Variants in PTP4A1 observed in about 807,000 individuals in gnomAD.
PTP4A1 encodes the protein protein tyrosine phosphatase type IVA 1.
Under a neutral mutation model 20.5 loss-of-function variants are expected in PTP4A1, and 9 were observed. The observed-to-expected ratio is 0.44, with a 90% CI of 0.26 to 0.77. PTP4A1 has a LOEUF of 0.77. PTP4A1 is among the 30% of genes least tolerant of loss of function. The probability of loss-of-function intolerance (pLI) is 0.19; values close to 1 mark genes in which losing one functional copy is unlikely to be tolerated. For missense variants in PTP4A1, 137 were observed against 218.8 expected (o/e 0.63, Z 2.36); for synonymous variants, 78 against 67.4 (o/e 1.16, Z -0.77).
chr6:63,549,973 A>T (rs1277412989), intron 2 of PTP4A1, among the ~76,000 whole-genome samples: 1 of 152,226 alleles, frequency 6.6e-6, no homozygotes, highest in Non-Finnish European at 1.5e-5. Flanking sequence ...TTCACAACAT[A>T]AAGAAGTGAT....
At chr6:63,529,971 A>G (rs1207017158) in intron 2 of PTP4A1, among the ~76,000 whole-genome samples, 1 of 152,152 alleles carries the variant, frequency 6.6e-6, no homozygotes, top group Non-Finnish European at 1.5e-5. Flanking sequence ...TCTTTTCACC[A>G]TTATTTAGGT....
rs1777877709 is a variant in PTP4A1, at chr6:63,576,547, T to C, written c.-334T>C. ...AGACAAGTGAACTGTAGAAACTGAT[T>C]ACTGCTCCACCAAGAAGCCCCCATA... is the stretch of plus-strand genomic sequence containing the variant. On this transcript the variant is annotated 5_prime_UTR_variant, in exon 2 of 6. Coordinates refer to ENST00000626021, the MANE Select transcript of PTP4A1 (RefSeq NM_003463.5). 2.3e-6 allele frequency: 1 copy of C among 443,494 alleles called. No homozygotes were observed. The highest frequency in any genetic ancestry group is 4.0e-6 in the Non-Finnish European group (1 of 252,762). 27.5% of individuals were successfully genotyped at this position (443,494 alleles called of 1,614,324 possible).
chr6:63,556,933 C>T (rs927307550), intron 3 of PTP4A1, among the ~76,000 whole-genome samples: 5 of 152,188 alleles, frequency 3.3e-5, no homozygotes, highest in Non-Finnish European at 7.3e-5. Flanking sequence ...TCATTGTCTG[C>T]TGCCAGATCC....
At chr6:63,571,766 A>G (rs1777438982), upstream of PTP4A1, 1 of 152,234 alleles carries the variant, frequency 6.6e-6, no homozygotes, top group Admixed American at 6.5e-5. Context: ...GATCAAAAAA[A>G]GAATATAGGG....
chr6:63,563,662 C>T (rs1777061461), intron 3 of PTP4A1, among the ~76,000 whole-genome samples: 1 of 152,142 alleles, frequency 6.6e-6, no homozygotes, highest in African/African-American at 2.4e-5. Context: ...CATAAGATAG[C>T]AGAGTGCCTG....
At chr6:63,525,420 C>A (rs145786156) in intron 1 of PTP4A1, among the ~76,000 whole-genome samples, 43 of 152,308 alleles carry the variant, frequency 2.8e-4, no homozygotes, top group African/African-American at 9.9e-4. Context: ...CGTTTGCTTG[C>A]TATTCTTGTC....
At chr6:63,558,582 T>C (rs1776789947) in intron 3 of PTP4A1, among the ~76,000 whole-genome samples, 1 of 152,160 alleles carries the variant, frequency 6.6e-6, no homozygotes, top group South Asian at 2.1e-4. Context: ...CTAAACCATG[T>C]TGAATATGAG....
chr6:63,562,599 GAGTA>G (rs1199912754), intron 3 of PTP4A1, among the ~76,000 whole-genome samples: 1 of 152,202 alleles, frequency 6.6e-6, no homozygotes, highest in Non-Finnish European at 1.5e-5. Context: ...CTCAGAGTCT[GAGTA>G]TTCTAATAAA....
intron 2 of PTP4A1, among the ~76,000 whole-genome samples, chr6:63,578,044 G>T (rs78046246): frequency 0.015 from 2,324 of 151,968 alleles, 66 homozygotes; most frequent in African/African-American, 0.053. Flanking sequence ...CAGATTACCC[G>T]ATTAGTTATA....
intron 1 of PTP4A1, among the ~76,000 whole-genome samples, chr6:63,522,767 A>G (rs1376143312): frequency 6.6e-6 from 1 of 152,096 alleles, no homozygotes; most frequent in Admixed American, 6.6e-5. Flanking sequence ...GTTTTCTACC[A>G]TGGAAGATTC....
In PTP4A1 at chr6:63,562,752, T is replaced by A. The variant is rs887431845; in HGVS notation, c.-446+12259T>A. ...TCTTAATACCTAAATATACAACTTT[T>A]AGGAGTCCCGCTGCTATATTCTCAA... On this transcript the variant is annotated intron_variant, in intron 3 of 3. Coordinates refer to the PTP4A1 transcript ENST00000639568. Among the ~76,000 whole-genome samples, 11 of 152,362 alleles carry A rather than the reference T, an allele frequency of 7.2e-5. 1 individual carries two copies. Among genetic ancestry groups the A allele is most frequent in the Admixed American group, 5.9e-4 (9 of 15,304 alleles).
At chr6:63,558,634 C>A (rs1776792897) in intron 3 of PTP4A1, among the ~76,000 whole-genome samples, 1 of 152,124 alleles carries the variant, frequency 6.6e-6, no homozygotes, top group African/African-American at 2.4e-5. Context: ...ACATCCAGAG[C>A]TCAGAAGAGA....
rs1778293799 is a variant in PTP4A1 at position 63,582,401 on chromosome 6, A to G, written c.*2227A>G. On this transcript the variant is annotated 3_prime_UTR_variant, in exon 6 of 6. Coordinates refer to ENST00000626021, the MANE Select transcript of PTP4A1 (RefSeq NM_003463.5). ...TTGGATTGTATATATGGTGCTAAAA[A>G]TAAATTAATTTACTTTATAAACCTT... 1 of 152,642 alleles carries G rather than the reference A, an allele frequency of 6.6e-6. No homozygotes were observed. The highest frequency in any genetic ancestry group is 1.5e-5 in the Non-Finnish European group (1 of 68,034). 9.5% of individuals were successfully genotyped at this position (152,642 alleles called of 1,614,324 possible).
intron 2 of PTP4A1, among the ~76,000 whole-genome samples, chr6:63,577,389 G>A (rs186754973): frequency 1.4e-4 from 21 of 152,118 alleles, no homozygotes; most frequent in African/African-American, 4.6e-4. Flanking sequence ...TACAAATTCT[G>A]TTCCTTCCTA....
chr6:63,537,672 G>A (rs183717121), intron 2 of PTP4A1, among the ~76,000 whole-genome samples: 126 of 152,352 alleles, frequency 8.3e-4, no homozygotes, highest in African/African-American at 2.8e-3. Flanking sequence ...CACAAGCTGA[G>A]TACAATCAGT....
intron 5 of PTP4A1, 69 bp downstream of exon 5, chr6:63,579,400 A>G: frequency 8.8e-7 from 1 of 1,137,060 alleles, no homozygotes; most frequent in East Asian, 2.6e-5. Flanking sequence ...TGAGTTTAAT[A>G]GTCTAATAGC....
chr6:63,523,595 A>G (rs1430796678), intron 1 of PTP4A1, among the ~76,000 whole-genome samples: 7 of 152,210 alleles, frequency 4.6e-5, no homozygotes, highest in Admixed American at 3.9e-4. Flanking sequence ...TTCCATGTCA[A>G]TCTACTATAA....
intron 2 of PTP4A1, chr6:63,550,215 C>A (rs1379258101): frequency 6.6e-6 from 1 of 151,950 alleles, no homozygotes; most frequent in Non-Finnish European, 1.5e-5. Flanking sequence ...AAACAAAATG[C>A]TTCATGAGCC....
intron 3 of PTP4A1, among the ~76,000 whole-genome samples, chr6:63,551,123 T>C (rs1239815684): frequency 6.6e-6 from 1 of 152,122 alleles, no homozygotes; most frequent in Non-Finnish European, 1.5e-5. Context: ...TGGAGCACAG[T>C]TGCTCAATCT....
Sources: gnomAD v4.1 joint callset for allele counts (sites outside exome capture counted in the v4.1 genomes callset) on GRCh38, gnomAD v4.1.1 for gene constraint, MANE v1.5 for transcripts, NCBI Gene and HGNC (gene_info 2026-07-23, HGNC 2026-07-21) for gene names.